The following AGO2 variants were observed in gnomAD, a reference collection of about 807,000 sequenced individuals.
The protein encoded by AGO2 is protein argonaute-2.
In AGO2, 5 loss-of-function variants were observed where a neutral mutation model predicts 102.3. The ratio of observed to expected loss-of-function variants is 0.05; its 90% CI spans 0.03 to 0.10. The LOEUF (loss-of-function observed/expected upper bound fraction) is 0.10. Ranked by LOEUF, AGO2 falls within the 10% of genes least tolerant of loss-of-function variation. AGO2 has a pLI of 1.00. For missense variants in AGO2, 541 were observed against 1,183.7 expected, an observed-to-expected ratio of 0.46 and a Z score of 7.97; for synonymous variants, 449 against 473.1, an observed-to-expected ratio of 0.95 and a Z score of 0.66.
intron 2 of AGO2, among the ~76,000 whole-genome samples, chr8:140,577,099 T>A (rs1323704416): frequency 6.7e-6 from 1 of 150,258 alleles, no homozygotes; most frequent in African/African-American, 2.5e-5. Flanking sequence ...TCCCAGCTAC[T>A]CGGGAGGCTG....
chr8:140,620,629 C>G (rs971700837), intron 1 of AGO2, among the ~76,000 whole-genome samples: 2 of 152,142 alleles, frequency 1.3e-5, no homozygotes, highest in African/African-American at 4.8e-5. Context: ...CTTTAGGAGG[C>G]TGAGGCAGGC....
In AGO2 at chr8:140,585,100, G is replaced by A. The variant is rs767191478; in HGVS notation, c.215+19C>T. 3.7e-6 allele frequency: 6 copies of A among 1,610,174 alleles called. No individual in the cohort carries two copies. The South Asian group carries it at 6.6e-5, about 18-fold the overall frequency. On this transcript the variant is annotated intron_variant, in intron 2 of 18. Transcript: ENST00000220592. ...CGCGCAGACCACTTACACAGGTCAT[G>A]AAGGATGAAACGTAATACCTGTTAA...
rs867373609 is a variant in AGO2 at position 140,543,176 on chromosome 8, C to A, written c.1839+1037G>T. ...AAACAAAAAACAAAAATAGAAACAA[C>A]AAAAAAAAACCCACAAAACAACAAC... is the stretch of plus-strand genomic sequence containing the variant. On this transcript the variant is annotated intron_variant, in intron 14 of 18. Coordinates refer to ENST00000220592, the MANE Select transcript of AGO2 (RefSeq NM_012154.5). 9.4e-4 allele frequency among the ~76,000 whole-genome samples: 138 copies of A among 147,416 alleles called. 2 individuals carry two copies. The highest frequency in any genetic ancestry group is 2.9e-3 in the African/African-American group (120 of 40,920).
At chr8:140,562,235 C>T (rs927008337) in intron 4 of AGO2, among the ~76,000 whole-genome samples, 7 of 152,260 alleles carry the variant, frequency 4.6e-5, no homozygotes, top group Admixed American at 1.3e-4. Flanking sequence ...GGGAGGCCAA[C>T]GTTCCGGGCC....
chr8:140,607,448 TAAAGAA>T (rs150891721), intron 1 of AGO2, among the ~76,000 whole-genome samples: 18,598 of 122,536 alleles, frequency 0.15, 2,273 homozygotes, highest in Admixed American at 0.31. Flanking sequence ...CCCCACCTCT[TAAAGAA>T]AAATTATATA....
rs1430211693 is a variant in AGO2, at chr8:140,562,623, C to T, written c.348G>A (p.Glu116=). ...LPIGRDKVEL[E]VTLPGEGKDR... ...CCTTGCCTTCTCCTGGCAGCGTGAC[C>T]TCCAGCTCCACCTGCGAGGATCCAA... Residue 116 remains glutamate, a synonymous_variant, in exon 4 of 19, where the codon GAG becomes GAA. Coordinates refer to ENST00000220592, the MANE Select transcript of AGO2 (RefSeq NM_012154.5). The T allele has an allele frequency of 1.2e-6, 2 of 1,613,432 alleles. No homozygotes were observed. The highest frequency in any genetic ancestry group is 3.3e-5 in the Admixed American group (2 of 59,996).
intron 3 of AGO2, among the ~76,000 whole-genome samples, chr8:140,564,212 G>A (rs1277125599): frequency 6.6e-6 from 1 of 152,156 alleles, no homozygotes. Flanking sequence ...AGAGCCATAC[G>A]CACAGGGGAT....
intron 1 of AGO2, among the ~76,000 whole-genome samples, chr8:140,616,181 T>C (rs377367056): frequency 2.0e-5 from 3 of 152,252 alleles, no homozygotes; most frequent in South Asian, 4.1e-4. Flanking sequence ...CTAACCGCCA[T>C]CCCATCTGTA....
chr8:140,531,807 T>A lies in AGO2; in HGVS notation c.*237A>T. 1 of 444,060 alleles carries A rather than the reference T, an allele frequency of 2.3e-6. No individual in the cohort carries two copies. 27.5% of individuals were successfully genotyped at this position (444,060 alleles called of 1,614,324 possible). A position where few individuals can be genotyped will look rare whatever the true frequency, so the allele number is the denominator to read the frequency against. ...CGGGACTCTGTTTTAATAAGCAGCT[T>A]ATAGATTTTAGCAAACCATATTTCC... On this transcript the variant is annotated 3_prime_UTR_variant, in exon 19 of 19. Transcript: ENST00000220592.
At chr8:140,546,584 T>G (rs1274302205) in intron 13 of AGO2, among the ~76,000 whole-genome samples, 2 of 152,256 alleles carry the variant, frequency 1.3e-5, no homozygotes, top group African/African-American at 2.4e-5. Flanking sequence ...GTGCCAGTGA[T>G]GCAGATTTAG....
rs931392273 is a variant in AGO2 at position 140,540,337 on chromosome 8, TC to T, written c.2034+826del. On this transcript the variant is annotated intron_variant, in intron 15 of 18. Transcript: ENST00000220592. The surrounding 1 kb of genome is among the most constrained non-coding windows in gnomAD (Gnocchi z 5.0). ...GCTCCTGGGGCAGCCACGGAGGATG[TC>T]TTCCCACCCCACTGGGTGGGGCTCC... 6.6e-6 allele frequency among the ~76,000 whole-genome samples: 1 copy of T among 152,134 alleles called. No homozygotes were observed. The highest frequency in any genetic ancestry group is 1.5e-5 in the Non-Finnish European group (1 of 68,024).
At chr8:140,585,399 C>T (rs961126202) in intron 1 of AGO2, 88 bp from the exon 2 acceptor site, 4 of 1,448,800 alleles carry the variant, frequency 2.8e-6, no homozygotes, top group Non-Finnish European at 3.8e-6. Flanking sequence ...CACTATATGC[C>T]CCCCTCTGCT....
chr8:140,552,401 A>G (rs889359883), intron 10 of AGO2, among the ~76,000 whole-genome samples: 8 of 152,176 alleles, frequency 5.3e-5, no homozygotes, highest in African/African-American at 1.7e-4. Flanking sequence ...GTGGGCCAGG[A>G]AGGGTCCCGT....
chr8:140,560,337 C>G, intron 5 of AGO2, 37 bp downstream of exon 5: 4 of 1,603,544 alleles, frequency 2.5e-6, no homozygotes, highest in Non-Finnish European at 3.4e-6. Context: ...CCATGCCCAA[C>G]CCTGCCCTGC....
chr8:140,562,770 A>G (rs2073224210), intron 3 of AGO2, 136 bp from the exon 4 acceptor site: 3 of 899,482 alleles, frequency 3.3e-6, no homozygotes, highest in Admixed American at 2.6e-5. Context: ...CACTAGCCAC[A>G]TGTGGCTATG....
chr8:140,611,558 C>T lies in AGO2; in HGVS notation c.22+23927G>A, dbSNP rs544279925. 1.9e-3 allele frequency among the ~76,000 whole-genome samples: 289 copies of T among 152,132 alleles called. 1 individual carries two copies. Among genetic ancestry groups the T allele is most frequent in the African/African-American group, 6.5e-3 (271 of 41,530 alleles). Reference sequence around the variant, plus strand: ...GGCCAGGCTGGTCTCAAACTCCTGACCTCAGGTGATCCGCCCACCTCGGCC... The same window carrying T: ...GGCCAGGCTGGTCTCAAACTCCTGATCTCAGGTGATCCGCCCACCTCGGCC... On this transcript the variant is annotated intron_variant, in intron 1 of 18. Transcript: ENST00000220592.
At position 140,532,436 on chromosome 8, in the gene AGO2, C is replaced by T. The variant is rs138765465; in HGVS notation, c.2451G>A (p.Leu817=). ...CTCACCTGTCATGTTCCTTATCCAC[C>T]AGGTGGTACCTGGCCCGGAAGGCCA... The part of the protein sequence containing the change: ...HLVAFRARYH[L]VDKEHDSAEG... Residue 817 remains leucine, a synonymous_variant, in exon 18 of 19, where the codon CTG becomes CTA. Transcript: ENST00000220592. 2.4e-5 allele frequency: 38 copies of T among 1,613,882 alleles called. No homozygotes were observed. In the African/African-American group the frequency reaches 4.9e-4, roughly 21 times the overall value.
intron 2 of AGO2, among the ~76,000 whole-genome samples, chr8:140,574,222 G>A (rs7823673): frequency 0.038 from 5,450 of 142,896 alleles, 191 homozygotes; most frequent in African/African-American, 0.096. Flanking sequence ...CTGTTCCAAA[G>A]AGGTACCAGC....
chr8:140,531,557 T>C lies in AGO2; in HGVS notation c.*487A>G, dbSNP rs1363852506. The C allele has an allele frequency of 6.4e-6, 1 of 156,158 alleles. No homozygotes were observed. The highest frequency in any genetic ancestry group is 1.4e-5 in the Non-Finnish European group (1 of 70,274). 9.7% of individuals were successfully genotyped at this position (156,158 alleles called of 1,614,324 possible). On this transcript the variant is annotated 3_prime_UTR_variant, in exon 19 of 19. Transcript: ENST00000220592. ...GAGCCACGCCAGGGGCACACGAGCA[T>C]CGCCTGGAAATCAACTTTAGTGACA...
Sources: gnomAD v4.1 joint callset for allele counts (sites outside exome capture counted in the v4.1 genomes callset) on GRCh38, gnomAD v4.1.1 for gene constraint, Gnocchi (gnomAD v3.1) non-coding constraint, MANE v1.5 for transcripts, NCBI Gene and HGNC (gene_info 2026-07-23, HGNC 2026-07-21) for gene names.